The following COL22A1 variants were observed in gnomAD, a reference collection of about 807,000 sequenced individuals.
COL22A1 encodes collagen type XXII alpha 1 chain, also known as collagen alpha-1(XXII) chain.
In COL22A1, 221 loss-of-function variants were observed where a neutral mutation model predicts 248.9. The ratio of observed to expected loss-of-function variants is 0.89; its 90% CI spans 0.80 to 0.99. The LOEUF (loss-of-function observed/expected upper bound fraction) is 0.99. COL22A1 is among the 50% of genes least tolerant of loss of function. The probability of loss-of-function intolerance (pLI) is 0.00; values close to 1 mark genes in which losing one functional copy is unlikely to be tolerated. For synonymous variants in COL22A1, 891 were observed against 793.4 expected (o/e 1.12, Z -2.07); for missense variants, 2,240 against 2,179.0 (o/e 1.03, Z -0.56).
chr8:138,636,812 A>C lies in COL22A1; in HGVS notation c.3502-17T>G, dbSNP rs1238614352. 1 of 1,605,310 alleles carries C rather than the reference A, an allele frequency of 6.2e-7. No individual in the cohort carries two copies. The highest frequency in any genetic ancestry group is 2.2e-5 in the East Asian group (1 of 44,822). The stretch of plus-strand genomic sequence containing the variant: ...TTGACTTCCCTTGAAAGGAAAAAAA[A>C]GAAAAGAAAGATGTCACTGGAAATT... On this transcript the variant is annotated splice_polypyrimidine_tract_variant and intron_variant, in intron 47 of 64. Coordinates refer to ENST00000303045, the MANE Select transcript of COL22A1 (RefSeq NM_152888.3).
At chr8:138,740,002 T>C (rs1347414045) in intron 22 of COL22A1, among the ~76,000 whole-genome samples, 2 of 152,212 alleles carry the variant, frequency 1.3e-5, no homozygotes, top group African/African-American at 4.8e-5. Context: ...TCTCCATCCA[T>C]CTGATCCAGC....
At chr8:138,875,084 A>C (rs901652653) in intron 3 of COL22A1, among the ~76,000 whole-genome samples, 3 of 152,226 alleles carry the variant, frequency 2.0e-5, no homozygotes, top group African/African-American at 7.2e-5. Flanking sequence ...CCAAGAACAG[A>C]GTTAACACCA....
At chr8:138,840,384 G>C (rs1244337540) in intron 4 of COL22A1, among the ~76,000 whole-genome samples, 1 of 152,098 alleles carries the variant, frequency 6.6e-6, no homozygotes, top group East Asian at 1.9e-4. Context: ...CAAAGAGGGA[G>C]GGGAGGCTTC....
Position 138,685,322 on chromosome 8 carries a change from A to C in COL22A1, c.2863-10T>G. 1 of 1,609,804 alleles carries C rather than the reference A, an allele frequency of 6.2e-7. No individual in the cohort carries two copies. The highest frequency in any genetic ancestry group is 8.5e-7 in the Non-Finnish European group (1 of 1,176,572). On this transcript the variant is annotated splice_polypyrimidine_tract_variant and intron_variant, in intron 37 of 64. Transcript: ENST00000303045. ...CTTCCCCCGCTGCACCCTGGAAAGA[A>C]AAGTAGACATTTCCCAGGGTCAATT...
Position 138,596,917 on chromosome 8 carries a change from C to A in COL22A1, c.4419G>T (p.Gly1473=), listed in dbSNP as rs201347553. 1.2e-6 allele frequency: 2 copies of A among 1,613,958 alleles called. No individual in the cohort carries two copies. The highest frequency in any genetic ancestry group is 3.3e-5 in the Admixed American group (2 of 60,016). Residue 1473 remains glycine (G), a synonymous_variant, in exon 62 of 65, where the codon GGG becomes GGT. Coordinates refer to ENST00000303045, the MANE Select transcript of COL22A1 (RefSeq NM_152888.3). ...TLRRLIQEEL[G]KQLETRLAYL... is the part of the protein sequence containing the mutation. ...CCAGATACTCACTTTCAAGCTGCTT[C>A]CCCAGCTCTTCTTGAATAAGCCGAC...
At chr8:138,597,939 C>T (rs1817674041) in intron 61 of COL22A1, among the ~76,000 whole-genome samples, 2 of 152,264 alleles carry the variant, frequency 1.3e-5, no homozygotes, top group East Asian at 3.9e-4. Context: ...CTGACCACAG[C>T]CACCAGGAAC....
intron 11 of COL22A1, among the ~76,000 whole-genome samples, chr8:138,797,918 A>G (rs1029693859): frequency 1.1e-4 from 16 of 151,792 alleles, no homozygotes; most frequent in African/African-American, 3.6e-4. Flanking sequence ...GTCTCCCTTT[A>G]TTGATTTTTT....
chr8:138,649,901 A>G, intron 45 of COL22A1, 123 bp from the exon 46 acceptor site: 1 of 590,110 alleles, frequency 1.7e-6, no homozygotes, highest in Non-Finnish European at 2.9e-6. Flanking sequence ...AATTCCAGAG[A>G]AGATAGAAAA....
chr8:138,757,206 T>TGAAG (rs750905551), intron 18 of COL22A1, among the ~76,000 whole-genome samples: 8,554 of 152,222 alleles, frequency 0.056, 330 homozygotes, highest in Non-Finnish European at 0.087. Flanking sequence ...ACGAACATCC[T>TGAAG]TCAACATCTC....
chr8:138,901,358 G>GTTTTTTTTTTTTTTTT (rs146670099), intron 1 of COL22A1, among the ~76,000 whole-genome samples: 1 of 131,512 alleles, frequency 7.6e-6, no homozygotes, highest in Non-Finnish European at 1.6e-5. Flanking sequence ...TTACTGGCAG[G>GTTTTTTTTTTTTTTTT]TTTTTTTTTT....
intron 30 of COL22A1, among the ~76,000 whole-genome samples, chr8:138,713,716 A>ACC (rs1015780041): frequency 3.4e-4 from 14 of 41,316 alleles, no homozygotes; most frequent in Non-Finnish European, 4.5e-4. Flanking sequence ...GTCCACCCCC[A>ACC]CCGCCCCGCC....
In COL22A1 at chr8:138,779,176, T is replaced by C. The variant is rs138358793; in HGVS notation, c.1704+333A>G. ...ATATTACAATACATCCATATGAATG[T>C]TATATATTACAATATATCCATGTAT... is the stretch of plus-strand genomic sequence containing the variant. On this transcript the variant is annotated intron_variant, in intron 14 of 64. Transcript: ENST00000303045. 4.3e-3 allele frequency among the ~76,000 whole-genome samples: 649 copies of C among 152,346 alleles called. 5 individuals carry two copies. The highest frequency in any genetic ancestry group is 0.015 in the African/African-American group (608 of 41,576).
At chr8:138,687,034 G>A (rs1324598598) in intron 37 of COL22A1, among the ~76,000 whole-genome samples, 1 of 152,166 alleles carries the variant, frequency 6.6e-6, no homozygotes, top group Non-Finnish European at 1.5e-5. Flanking sequence ...TCAGCTCAAG[G>A]CAACCTCCGC....
At chr8:138,616,819 G>T in intron 54 of COL22A1, 95 bp downstream of exon 54, 1 of 1,415,024 alleles carries the variant, frequency 7.1e-7, no homozygotes, top group Non-Finnish European at 1.0e-6. Flanking sequence ...CTCGGGTAAG[G>T]CACTGCCATG....
chr8:138,603,401 A>G (rs891953810), intron 59 of COL22A1, among the ~76,000 whole-genome samples: 2 of 152,218 alleles, frequency 1.3e-5, no homozygotes, highest in Non-Finnish European at 2.9e-5. Context: ...GGCGGCAGGA[A>G]AGGCATTATA....
intron 11 of COL22A1, among the ~76,000 whole-genome samples, chr8:138,801,972 AACTTG>A (rs1563780026): frequency 1.3e-5 from 2 of 152,158 alleles, no homozygotes; most frequent in East Asian, 3.9e-4. Context: ...TTTGACACCA[AACTTG>A]TGCTGTTGAT....
intron 2 of COL22A1, among the ~76,000 whole-genome samples, chr8:138,881,940 C>T (rs969974139): frequency 6.6e-6 from 1 of 152,138 alleles, no homozygotes; most frequent in Non-Finnish European, 1.5e-5. Flanking sequence ...ACCATGTTGC[C>T]ATGTCTCTCC....
intron 56 of COL22A1, among the ~76,000 whole-genome samples, chr8:138,608,873 T>C (rs1021425737): frequency 6.6e-6 from 1 of 152,234 alleles, no homozygotes. Flanking sequence ...AGGCAGAGTC[T>C]ACGCCTTGTC....
intron 30 of COL22A1, among the ~76,000 whole-genome samples, chr8:138,706,842 T>C (rs1828500679): frequency 6.6e-6 from 1 of 151,970 alleles, no homozygotes. Context: ...AACCAATGAA[T>C]CCAGAAGCTG....
Sources: gnomAD v4.1 joint callset for allele counts (sites outside exome capture counted in the v4.1 genomes callset) on GRCh38, gnomAD v4.1.1 for gene constraint, MANE v1.5 for transcripts, NCBI Gene and HGNC (gene_info 2026-07-23, HGNC 2026-07-21) for gene names.